NSMCE2: variants seen among roughly 807,000 people sequenced by gnomAD.
NSMCE2 encodes NSE2 SUMO ligase component of SMC5/6 complex.
In NSMCE2, 24 loss-of-function variants were observed where a neutral mutation model predicts 23.8. That is an observed-to-expected ratio of 1.01 (90% confidence interval 0.73 to 1.42). The LOEUF is 1.42. NSMCE2 is among the 40% of genes most tolerant of loss of function. NSMCE2 has a pLI of 0.00. For synonymous variants in NSMCE2, 92 were observed against 94.1 expected (o/e 0.98, Z 0.13); for missense variants, 284 against 296.5 (o/e 0.96, Z 0.31).
intron 4 of NSMCE2, among the ~76,000 whole-genome samples, chr8:125,174,606 A>G (rs1265380842): frequency 1.3e-5 from 2 of 152,214 alleles, no homozygotes; most frequent in African/African-American, 4.8e-5. Context: ...ACAACTGTCT[A>G]TTCTAATAAG....
chr8:125,352,346 C>CT (rs1009627786), intron 5 of NSMCE2, among the ~76,000 whole-genome samples: 22 of 151,514 alleles, frequency 1.5e-4, no homozygotes, highest in African/African-American at 5.1e-4. Context: ...GGTGGTGGTG[C>CT]ATGCCTGTAA....
rs528209679 is a variant in NSMCE2 at position 125,156,014 on chromosome 8, G to A, written c.264+4737G>A. On this transcript the variant is annotated intron_variant, in intron 4 of 7. Coordinates refer to ENST00000287437, the MANE Select transcript of NSMCE2 (RefSeq NM_173685.4). ...TATCCTCTCAGCTAGGTGTGGTGGC[G>A]CACGCCTGTAGTTCCAGCTACTTGG... 6.4e-4 allele frequency: 288 copies of A among 446,846 alleles called. 1 individual carries two copies. The highest frequency in any genetic ancestry group is 3.0e-3 in the South Asian group (192 of 63,594). 27.7% of individuals were successfully genotyped at this position (446,846 alleles called of 1,614,324 possible). A position where few individuals can be genotyped will look rare whatever the true frequency, so the allele number is the denominator to read the frequency against.
intron 5 of NSMCE2, among the ~76,000 whole-genome samples, chr8:125,261,896 A>G (rs1826707629): frequency 1.3e-5 from 2 of 151,890 alleles, no homozygotes; most frequent in African/African-American, 4.8e-5. Flanking sequence ...CAGGAGTTCA[A>G]GACCGTCCTC....
chr8:125,194,717 T>TA (rs762971041), intron 5 of NSMCE2, among the ~76,000 whole-genome samples: 6 of 152,146 alleles, frequency 3.9e-5, no homozygotes, highest in Non-Finnish European at 5.9e-5. Flanking sequence ...TATAAAATTT[T>TA]AAAAAAAAGA....
rs751648927 is a variant in NSMCE2 at position 125,346,365 on chromosome 8, G to A, written c.419-10854G>A. 9.8e-4 allele frequency among the ~76,000 whole-genome samples: 149 copies of A among 152,168 alleles called. 5 individuals are homozygous for A. Among genetic ancestry groups the A allele is most frequent in the Admixed American group, 8.5e-4 (13 of 15,270 alleles). ...AAGATGGAGAATGGACAGGCTATAC[G>A]AACAACTTGCATGTACTGTCTTGAG... On this transcript the variant is annotated intron_variant, in intron 5 of 7. Transcript: ENST00000287437.
intron 4 of NSMCE2, among the ~76,000 whole-genome samples, chr8:125,175,123 A>G (rs1371927396): frequency 6.6e-6 from 1 of 151,940 alleles, no homozygotes. Context: ...CAACTTTACC[A>G]AGTTTTTTTT....
intron 4 of NSMCE2, among the ~76,000 whole-genome samples, chr8:125,155,546 G>T (rs1821263136): frequency 6.6e-6 from 1 of 152,198 alleles, no homozygotes; most frequent in Admixed American, 6.5e-5. Context: ...ACTATGCTTA[G>T]TAATGCAAGT....
At chr8:125,104,459 C>T (rs1225405768) in intron 3 of NSMCE2, among the ~76,000 whole-genome samples, 1 of 152,172 alleles carries the variant, frequency 6.6e-6, no homozygotes, top group Non-Finnish European at 1.5e-5. Flanking sequence ...CTTCTGGAGT[C>T]TCTCTTGATT....
chr8:125,191,311 C>T (rs1012006010), intron 5 of NSMCE2, among the ~76,000 whole-genome samples: 3 of 152,140 alleles, frequency 2.0e-5, no homozygotes, highest in Admixed American at 6.5e-5. Flanking sequence ...TTAGGTGATA[C>T]CACAGCCCAT....
chr8:125,207,838 C>G (rs898633543), intron 5 of NSMCE2, among the ~76,000 whole-genome samples: 3 of 152,280 alleles, frequency 2.0e-5, no homozygotes, highest in Non-Finnish European at 4.4e-5. Context: ...CAGATGAGTT[C>G]AGATTTGTTC....
chr8:125,340,397 A>C (rs1830207885), intron 5 of NSMCE2, among the ~76,000 whole-genome samples: 1 of 152,038 alleles, frequency 6.6e-6, no homozygotes, highest in African/African-American at 2.4e-5. Flanking sequence ...TCTTTATATT[A>C]CTTCTGAAAA....
chr8:125,351,884 G>A (rs1813051696), intron 5 of NSMCE2, among the ~76,000 whole-genome samples: 1 of 152,040 alleles, frequency 6.6e-6, no homozygotes, highest in South Asian at 2.1e-4. Flanking sequence ...ATGATGGTGG[G>A]TGCCTGTAAT....
rs529201670 is a variant in NSMCE2, at chr8:125,202,076, C to T, written c.418+19820C>T. Among the ~76,000 whole-genome samples the T allele has an allele frequency of 1.2e-4, 18 of 152,344 alleles. No homozygotes were observed. In the East Asian group the frequency reaches 2.9e-3, roughly 24 times the overall value. On this transcript the variant is annotated intron_variant, in intron 5 of 7. Transcript: ENST00000287437. ...GGTTGCTAAGACCATGGGAAAAGCA[C>T]AGTATTTTGGCGAGAGTGTCCTGTT... is the stretch of plus-strand genomic sequence containing the variant.
chr8:125,185,198 G>A (rs1036236804), intron 5 of NSMCE2, among the ~76,000 whole-genome samples: 1 of 152,208 alleles, frequency 6.6e-6, no homozygotes, highest in Non-Finnish European at 1.5e-5. Flanking sequence ...CTCAAGGGCA[G>A]GCCTAGGTAC....
intron 3 of NSMCE2, among the ~76,000 whole-genome samples, chr8:125,133,699 A>G (rs1459591203): frequency 6.6e-6 from 1 of 151,854 alleles, no homozygotes; most frequent in Non-Finnish European, 1.5e-5. Flanking sequence ...AGCCGAGATC[A>G]CGACTGGGCA....
chr8:125,276,972 G>T (rs1289925359), intron 5 of NSMCE2, among the ~76,000 whole-genome samples: 1 of 152,142 alleles, frequency 6.6e-6, no homozygotes, highest in Non-Finnish European at 1.5e-5. Flanking sequence ...GTGGTTGGTG[G>T]CCTTGGTAAT....
At chr8:125,150,504 G>C (rs1437915089) in intron 3 of NSMCE2, among the ~76,000 whole-genome samples, 2 of 122,916 alleles carry the variant, frequency 1.6e-5, no homozygotes, top group Non-Finnish European at 3.1e-5. Flanking sequence ...CATGATCTCA[G>C]CTCACTGCAA....
intron 5 of NSMCE2, among the ~76,000 whole-genome samples, chr8:125,309,761 C>T (rs899903579): frequency 3.9e-5 from 6 of 152,106 alleles, no homozygotes; most frequent in Non-Finnish European, 5.9e-5. Context: ...ATTTCCATGA[C>T]TCCAGTTTCA....
intron 5 of NSMCE2, among the ~76,000 whole-genome samples, chr8:125,297,037 C>T (rs1047207844): frequency 2.0e-5 from 3 of 152,072 alleles, no homozygotes; most frequent in African/African-American, 7.2e-5. Flanking sequence ...TATTCTTAGT[C>T]ACTTATTCAA....
Sources: gnomAD v4.1 joint callset for allele counts (sites outside exome capture counted in the v4.1 genomes callset) on GRCh38, gnomAD v4.1.1 for gene constraint, MANE v1.5 for transcripts, NCBI Gene and HGNC (gene_info 2026-07-23, HGNC 2026-07-21) for gene names.